KAT6B: variants seen among roughly 807,000 people sequenced by gnomAD.
KAT6B encodes the protein histone acetyltransferase KAT6B.
In KAT6B, 10 loss-of-function variants were observed where a neutral mutation model predicts 187.5. The observed-to-expected ratio is 0.05, with a 90% confidence interval of 0.03 to 0.09. The LOEUF (loss-of-function observed/expected upper bound fraction) is 0.09. Ranked by LOEUF, KAT6B falls within the 10% of genes least tolerant of loss-of-function variation. The pLI, the probability that KAT6B is intolerant of heterozygous loss-of-function variation, is 1.00. For missense variants in KAT6B, 1,952 were observed against 2,558.9 expected (o/e 0.76, Z 5.12); for synonymous variants, 861 against 926.8 (o/e 0.93, Z 1.29).
chr10:74,880,821 G>T (rs1424990101), intron 3 of KAT6B, among the ~76,000 whole-genome samples: 1 of 152,076 alleles, frequency 6.6e-6, no homozygotes, highest in Non-Finnish European at 1.5e-5. Context: ...TCACCATGTT[G>T]GCCAGGCTGG....
intron 3 of KAT6B, among the ~76,000 whole-genome samples, chr10:74,859,992 A>G (rs1043638120): frequency 2.6e-5 from 4 of 152,270 alleles, no homozygotes; most frequent in African/African-American, 9.6e-5. Flanking sequence ...TAAAAATTTT[A>G]TAGCAGAATG....
At chr10:74,867,087 G>A (rs552007575) in intron 3 of KAT6B, among the ~76,000 whole-genome samples, 3 of 152,070 alleles carry the variant, frequency 2.0e-5, no homozygotes, top group African/African-American at 4.8e-5. Flanking sequence ...TGGTAGTCTC[G>A]ATAACTAGAG....
chr10:75,026,871 C>T (rs1320777592), intron 17 of KAT6B, among the ~76,000 whole-genome samples: 1 of 152,162 alleles, frequency 6.6e-6, no homozygotes, highest in Admixed American at 6.5e-5. Flanking sequence ...CATGGTGGCT[C>T]ATGCCTGTAA....
intron 3 of KAT6B, among the ~76,000 whole-genome samples, chr10:74,904,732 GTTC>G (rs2132816523): frequency 6.6e-6 from 1 of 152,256 alleles, no homozygotes; most frequent in East Asian, 1.9e-4. Context: ...TGACTACATA[GTTC>G]TTCTCACATT....
chr10:74,956,735 A>G (rs1365124627), intron 3 of KAT6B, among the ~76,000 whole-genome samples: 1 of 152,214 alleles, frequency 6.6e-6, no homozygotes, highest in Non-Finnish European at 1.5e-5. Flanking sequence ...GATTGTTAAG[A>G]TGATTAAATG....
intron 13 of KAT6B, among the ~76,000 whole-genome samples, chr10:74,993,677 T>C (rs1467518196): frequency 2.0e-5 from 3 of 152,248 alleles, no homozygotes; most frequent in Admixed American, 2.0e-4. Flanking sequence ...GGGGCCTCCT[T>C]TAATCTGGAA....
rs191990372 is a variant in KAT6B at position 74,860,966 on chromosome 10, C to T, written c.621+17488C>T. On this transcript the variant is annotated intron_variant, in intron 3 of 17. Coordinates refer to ENST00000287239, the MANE Select transcript of KAT6B (RefSeq NM_012330.4). The stretch of plus-strand genomic sequence containing the variant: ...CAGCCTGACCAACATGGAGAAACCC[C>T]GTCTCTACTAAAAATGCAAAATTAG... Among the ~76,000 whole-genome samples the T allele has an allele frequency of 5.3e-5, 8 of 152,184 alleles. No individual in the cohort carries two copies. The East Asian group carries it at 5.8e-4, about 11-fold the overall frequency.
intron 3 of KAT6B, among the ~76,000 whole-genome samples, chr10:74,865,957 T>C (rs1028162273): frequency 6.6e-6 from 1 of 152,140 alleles, no homozygotes; most frequent in South Asian, 2.1e-4. Context: ...CGTGCTGATT[T>C]TTTTCAACCA....
At chr10:74,944,258 G>A (rs1320295182) in intron 3 of KAT6B, among the ~76,000 whole-genome samples, 1 of 152,160 alleles carries the variant, frequency 6.6e-6, no homozygotes, top group Non-Finnish European at 1.5e-5. Flanking sequence ...CTGTATCACT[G>A]GATATGGCCC....
chr10:74,884,832 A>G (rs1184290813), intron 3 of KAT6B, among the ~76,000 whole-genome samples: 2 of 152,030 alleles, frequency 1.3e-5, no homozygotes, highest in African/African-American at 2.4e-5. Context: ...GCCTCCCAAA[A>G]TGCTGGGATT....
At chr10:74,984,472 A>T (rs1344603705) in intron 11 of KAT6B, 1 of 153,506 alleles carries the variant, frequency 6.5e-6, no homozygotes, top group Admixed American at 6.5e-5. Flanking sequence ...AGTAGACTGT[A>T]ATCATAGTGC....
At chr10:74,846,424 A>G (rs1386201850) in intron 3 of KAT6B, among the ~76,000 whole-genome samples, 3 of 152,020 alleles carry the variant, frequency 2.0e-5, no homozygotes, top group South Asian at 2.1e-4. Context: ...ACATATGTAT[A>G]TATATATTTT....
At chr10:75,005,804 C>A (rs1844165377) in intron 13 of KAT6B, among the ~76,000 whole-genome samples, 1 of 151,938 alleles carries the variant, frequency 6.6e-6, no homozygotes, top group South Asian at 2.1e-4. Context: ...TATATGGAGT[C>A]CTGCTTTGAG....
rs1452215773 is a variant in KAT6B at position 74,886,785 on chromosome 10, C to G, written c.621+43307C>G. Among the ~76,000 whole-genome samples the G allele has an allele frequency of 2.0e-5, 3 of 152,328 alleles. No individual in the cohort carries two copies. In the East Asian group the frequency reaches 5.8e-4, roughly 29 times the overall value. On this transcript the variant is annotated intron_variant, in intron 3 of 17. Coordinates refer to ENST00000287239, the MANE Select transcript of KAT6B (RefSeq NM_012330.4). ...TGTTCCCACCAACCTCTGACCCATC[C>G]ATAACCCAGTGTATTACACTGACCC...
chr10:74,894,806 C>G (rs1413315869), intron 3 of KAT6B, among the ~76,000 whole-genome samples: 2 of 152,046 alleles, frequency 1.3e-5, no homozygotes, highest in African/African-American at 4.8e-5. Flanking sequence ...TTTGCTTTAT[C>G]TAGTTGTCTG....
rs1374045443 is a variant in KAT6B at position 75,029,018 on chromosome 10, A to C, written c.4194A>C (p.Glu1398Asp). The C allele has an allele frequency of 1.2e-6, 2 of 1,614,122 alleles. No homozygotes were observed. Among genetic ancestry groups the C allele is most frequent in the African/African-American group, 2.7e-5 (2 of 75,024 alleles). The part of the protein sequence containing the change: ...QEKEEPEIST[E>D]KEDSARLDDH... ...AAGAGGAACCAGAAATCTCCACGGA[A>C]AAAGAAGACTCTGCACGTTTGGATG... The change falls in exon 18 of 18, where the codon GAA becomes GAC. Residue 1398 changes from glutamate (E) to aspartate (D), a missense_variant. Coordinates refer to ENST00000287239, the MANE Select transcript of KAT6B (RefSeq NM_012330.4). The surrounding 1 kb of genome is among the most constrained non-coding windows in gnomAD (Gnocchi z 6.2).
At chr10:75,019,906 G>A (rs1391991947) in intron 13 of KAT6B, among the ~76,000 whole-genome samples, 1 of 151,752 alleles carries the variant, frequency 6.6e-6, no homozygotes, top group Non-Finnish European at 1.5e-5. Flanking sequence ...AGTTTGTTTT[G>A]TTTTGTCTTA....
At position 74,977,421 on chromosome 10, in the gene KAT6B, A is replaced by G. The variant is rs371018598; in HGVS notation, c.2099A>G (p.Gln700Arg). 39 of 1,613,786 alleles carry G rather than the reference A, an allele frequency of 2.4e-5. No individual in the cohort carries two copies. Among genetic ancestry groups the G allele is most frequent in the Non-Finnish European group, 3.1e-5 (36 of 1,179,826 alleles). The change falls in exon 9 of 18, where the codon CAG becomes CGG. Residue 700 changes from glutamine (Q) to arginine (R), a missense_variant. Physicochemically the swap from Gln to Arg is conservative, Grantham distance 43. This residue lies in a region of KAT6B where 417 missense variants were observed against 508.9 expected (regional missense o/e 0.82). Coordinates refer to ENST00000287239, the MANE Select transcript of KAT6B (RefSeq NM_012330.4). Reference protein sequence around the residue: ...EEDLDVFKQAQELSWEKIECE... With the variant: ...EEDLDVFKQARELSWEKIECE... ...GATTTGGATGTTTTTAAGCAGGCCC[A>G]GGAACTTTCTTGGGAGGTAAGGCGA...
chr10:75,019,178 C>T (rs993257188), intron 13 of KAT6B, among the ~76,000 whole-genome samples: 9 of 152,250 alleles, frequency 5.9e-5, no homozygotes, highest in Middle Eastern at 3.4e-3. Flanking sequence ...TAAAATGTTG[C>T]GGTGCTTGTT....
Sources: gnomAD v4.1 joint callset for allele counts (sites outside exome capture counted in the v4.1 genomes callset) on GRCh38, gnomAD v4.1.1 for gene constraint, gnomAD v4.1.1 regional missense constraint, Gnocchi (gnomAD v3.1) non-coding constraint, MANE v1.5 for transcripts, NCBI Gene and HGNC (gene_info 2026-07-23, HGNC 2026-07-21) for gene names.